The following COLGALT2 variants were observed in gnomAD, a reference collection of about 807,000 sequenced individuals.
The protein encoded by COLGALT2 is procollagen galactosyltransferase 2.
Under a neutral mutation model 73.4 loss-of-function variants are expected in COLGALT2, and 49 were observed. The ratio of observed to expected loss-of-function variants is 0.67; its 90% CI spans 0.53 to 0.85. COLGALT2 has a LOEUF of 0.85. Ranked by LOEUF, COLGALT2 falls within the 40% of genes least tolerant of loss-of-function variation. The pLI, the probability that COLGALT2 is intolerant of heterozygous loss-of-function variation, is 0.00. For missense variants in COLGALT2, 722 were observed against 790.2 expected (o/e 0.91, Z 1.03); for synonymous variants, 295 against 307.6 (o/e 0.96, Z 0.43).
chr1:183,973,148 TAA>T (rs1178720634), intron 4 of COLGALT2, among the ~76,000 whole-genome samples: 11 of 152,334 alleles, frequency 7.2e-5, no homozygotes, highest in Non-Finnish European at 1.2e-4. Context: ...AGATAAAGGT[TAA>T]GTAAATTGGA....
downstream of COLGALT2, among the ~76,000 whole-genome samples, chr1:183,934,478 A>G (rs550540877): frequency 6.6e-6 from 1 of 152,238 alleles, no homozygotes; most frequent in South Asian, 2.1e-4. Context: ...AAACATCACC[A>G]CAAAACATCA....
chr1:183,969,546 T>A (rs766640045), intron 4 of COLGALT2, 73 bp from the exon 5 acceptor site: 3 of 1,365,390 alleles, frequency 2.2e-6, no homozygotes, highest in Non-Finnish European at 3.0e-6. Context: ...TTTGCTAGAC[T>A]GATTCCTTTC....
At chr1:183,963,677 C>G (rs1043330469) in intron 6 of COLGALT2, among the ~76,000 whole-genome samples, 3 of 152,166 alleles carry the variant, frequency 2.0e-5, no homozygotes, top group Non-Finnish European at 4.4e-5. Context: ...CTTGTGTACC[C>G]AGCGCTCTTC....
At chr1:183,969,735 A>G (rs551941980) in intron 4 of COLGALT2, among the ~76,000 whole-genome samples, 30 of 152,252 alleles carry the variant, frequency 2.0e-4, no homozygotes, top group Non-Finnish European at 3.7e-4. Context: ...ATAATTTCAT[A>G]AAAGTGTATT....
At chr1:184,025,298 G>A (rs74132769) in intron 1 of COLGALT2, among the ~76,000 whole-genome samples, 5,040 of 152,302 alleles carry the variant, frequency 0.033, 268 homozygotes, top group African/African-American at 0.11. Context: ...TCAAGACCAG[G>A]GGACAAAGGC....
chr1:183,960,174 T>C (rs1670660299), intron 6 of COLGALT2, among the ~76,000 whole-genome samples: 1 of 147,436 alleles, frequency 6.8e-6, no homozygotes, highest in African/African-American at 2.7e-5. Flanking sequence ...AGATAGGAAT[T>C]CTTCTTTAGC....
At position 183,937,505 on chromosome 1, in the gene COLGALT2, G is replaced by T; in HGVS notation, c.*1256C>A. The T allele has an allele frequency of 5.1e-6, 5 of 985,442 alleles. No homozygotes were observed. Among genetic ancestry groups the T allele is most frequent in the Non-Finnish European group, 6.0e-6 (5 of 829,966 alleles). 61.0% of individuals were successfully genotyped at this position (985,442 alleles called of 1,614,324 possible). A position where few individuals can be genotyped will look rare whatever the true frequency, so the allele number is the denominator to read the frequency against. The stretch of plus-strand genomic sequence containing the variant: ...GCCTGGGATTCTAAGAGCTTCCCTG[G>T]TTGCTGGCCTAAATCAGGTGACCAG... On this transcript the variant is annotated 3_prime_UTR_variant, in exon 12 of 12. Coordinates refer to ENST00000361927, the MANE Select transcript of COLGALT2 (RefSeq NM_015101.4).
chr1:183,943,026 T>C (rs1313854801), intron 10 of COLGALT2, among the ~76,000 whole-genome samples: 1 of 152,196 alleles, frequency 6.6e-6, no homozygotes, highest in Non-Finnish European at 1.5e-5. Context: ...TGCGGAGCCA[T>C]CCATTGAGAA....
chr1:183,944,849 G>T (rs1421774247), intron 9 of COLGALT2, among the ~76,000 whole-genome samples: 3 of 152,160 alleles, frequency 2.0e-5, no homozygotes, highest in East Asian at 3.8e-4. Context: ...AGAAAACAAA[G>T]GCAGGCATAG....
intron 1 of COLGALT2, among the ~76,000 whole-genome samples, chr1:184,028,308 C>A (rs1454978653): frequency 2.6e-5 from 4 of 152,210 alleles, no homozygotes; most frequent in Non-Finnish European, 5.9e-5. Context: ...CAGTTTCTCA[C>A]TTAATATGGC....
chr1:184,037,306 A>G lies in COLGALT2; in HGVS notation c.52T>C (p.Ser18Pro), dbSNP rs1468334865. ...CGGCAGCCTTCGCGGAGCAGGGCTGAGGAGAGGAGCAGTAGCGACCAGGCG... is the reference window on the plus strand; with the variant it reads ...CGGCAGCCTTCGCGGAGCAGGGCTGGGGAGAGGAGCAGTAGCGACCAGGCG... ...TLAWSLLLLS[S>P]ALLREGCRAR... The change falls in exon 1 of 12, where the codon TCA becomes CCA. Residue 18 changes from serine to proline, a missense_variant. Transcript: ENST00000361927. The G allele has an allele frequency of 6.5e-7, 1 of 1,534,366 alleles. No homozygotes were observed. The highest frequency in any genetic ancestry group is 8.8e-7 in the Non-Finnish European group (1 of 1,142,114).
chr1:183,955,979 C>T (rs1271510359), intron 6 of COLGALT2, among the ~76,000 whole-genome samples: 2 of 152,210 alleles, frequency 1.3e-5, no homozygotes, highest in African/African-American at 2.4e-5. Flanking sequence ...CCCTTGGTCC[C>T]ACCACTGTGC....
chr1:184,022,371 T>A (rs1572683298), intron 1 of COLGALT2, among the ~76,000 whole-genome samples: 1 of 152,118 alleles, frequency 6.6e-6, no homozygotes, highest in South Asian at 2.1e-4. Context: ...TGATCCCCAA[T>A]GTGAGAAGCC....
intron 1 of COLGALT2, among the ~76,000 whole-genome samples, chr1:183,981,455 C>A (rs137865985): frequency 0.012 from 1,764 of 151,462 alleles, 32 homozygotes; most frequent in African/African-American, 0.04. Context: ...GAGTTTGAGA[C>A]CAGCCTGATC....
intron 1 of COLGALT2, among the ~76,000 whole-genome samples, chr1:184,025,495 C>T (rs1159181193): frequency 1.3e-5 from 2 of 152,176 alleles, no homozygotes. Context: ...CTGGCCAGAG[C>T]CTGGCTAGAT....
Position 184,037,299 on chromosome 1 carries a change from A to C in COLGALT2, c.59T>G (p.Leu20Arg). The stretch of plus-strand genomic sequence containing the variant: ...GCGCGCTCGGCAGCCTTCGCGGAGC[A>C]GGGCTGAGGAGAGGAGCAGTAGCGA... Reference protein sequence around the residue: ...AWSLLLLSSALLREGCRARFV... With the variant: ...AWSLLLLSSARLREGCRARFV... The change falls in exon 1 of 12, where the codon CTG (leucine) becomes CGG (arginine). Residue 20 changes from leucine (L) to arginine (R), a missense_variant. Coordinates refer to ENST00000361927, the MANE Select transcript of COLGALT2 (RefSeq NM_015101.4). The C allele has an allele frequency of 6.5e-7, 1 of 1,536,388 alleles. No homozygotes were observed. Among genetic ancestry groups the C allele is most frequent in the East Asian group, 2.5e-5 (1 of 39,594 alleles).
intron 6 of COLGALT2, among the ~76,000 whole-genome samples, chr1:183,962,982 C>T (rs1293245690): frequency 1.3e-5 from 2 of 151,050 alleles, no homozygotes; most frequent in Non-Finnish European, 1.5e-5. Context: ...CCACTGCCCA[C>T]GTTCACACCC....
intron 1 of COLGALT2, among the ~76,000 whole-genome samples, chr1:184,008,913 T>C (rs1672162431): frequency 6.6e-6 from 1 of 152,112 alleles, no homozygotes; most frequent in African/African-American, 2.4e-5. Context: ...ATAGAGAGAA[T>C]GATAGAGCAA....
At chr1:183,944,411 C>A in intron 9 of COLGALT2, 88 bp from the exon 10 acceptor site, 1 of 1,410,470 alleles carries the variant, frequency 7.1e-7, no homozygotes. Flanking sequence ...AGTCACGAGT[C>A]TAGTAGCACA....
Sources: allele counts gnomAD v4.1 joint callset (sites outside exome capture counted in the v4.1 genomes callset), GRCh38; gene constraint gnomAD v4.1.1; transcripts MANE v1.5; gene names NCBI Gene and HGNC (gene_info 2026-07-23, HGNC 2026-07-21).